POU2AF1: variants seen among roughly 807,000 people sequenced by gnomAD.
POU2AF1 encodes POU domain class 2-associating factor 1.
In POU2AF1, 12 loss-of-function variants were observed where a neutral mutation model predicts 26.3. The observed-to-expected ratio is 0.46, with a 90% CI of 0.29 to 0.74. POU2AF1 has a LOEUF of 0.74. Among genes scored for constraint, POU2AF1 ranks in the 30% least tolerant of loss-of-function variants. The probability of loss-of-function intolerance (pLI) is 0.09; values close to 1 mark genes in which losing one functional copy is unlikely to be tolerated. For missense variants in POU2AF1, 297 were observed against 334.5 expected, an observed-to-expected ratio of 0.89 and a Z score of 0.87; for synonymous variants, 175 against 148.0, an observed-to-expected ratio of 1.18 and a Z score of -1.32.
chr11:111,355,745 T>C (rs1860832133), intron 4 of POU2AF1, among the ~76,000 whole-genome samples: 1 of 152,142 alleles, frequency 6.6e-6, no homozygotes, highest in African/African-American at 2.4e-5. Context: ...TTGCACAGAA[T>C]GATAGAGCTG....
In POU2AF1 at chr11:111,363,657, C is replaced by A. The variant is rs980981064; in HGVS notation, c.17-4739G>T. ...ATATTTTTAACTTTTTAAATAATTTCTTAAAATCATAATAAAAAATCCAAA... is the reference window on the plus strand; with the variant it reads ...ATATTTTTAACTTTTTAAATAATTTATTAAAATCATAATAAAAAATCCAAA... On this transcript the variant is annotated intron_variant, in intron 1 of 4. Coordinates refer to ENST00000393067, the MANE Select transcript of POU2AF1 (RefSeq NM_006235.3). 1.6e-4 allele frequency among the ~76,000 whole-genome samples: 25 copies of A among 152,226 alleles called. No individual in the cohort carries two copies. The Middle Eastern group carries it at 0.014, about 83-fold the overall frequency.
At chr11:111,361,401 CACTT>C (rs1429819486) in intron 1 of POU2AF1, among the ~76,000 whole-genome samples, 5 of 152,206 alleles carry the variant, frequency 3.3e-5, no homozygotes, top group African/African-American at 1.2e-4. Context: ...TCTGGGCTGT[CACTT>C]ACTGGTGGAA....
intron 1 of POU2AF1, among the ~76,000 whole-genome samples, chr11:111,361,665 C>T (rs937170611): frequency 2.0e-5 from 3 of 152,188 alleles, no homozygotes; most frequent in African/African-American, 7.2e-5. Context: ...CTGAGGCTAA[C>T]TTATGGTAAC....
intron 1 of POU2AF1, among the ~76,000 whole-genome samples, chr11:111,376,817 C>A (rs950671495): frequency 6.6e-6 from 1 of 152,154 alleles, no homozygotes; most frequent in African/African-American, 2.4e-5. Context: ...GATTTTCCCA[C>A]ACGGTTTAGT....
Position 111,358,804 on chromosome 11 carries a change from G to A in POU2AF1, c.131C>T (p.Ala44Val). The change falls in exon 2 of 5, where the codon GCA becomes GTA. Residue 44 changes from alanine (A) to valine (V), a missense_variant. Ala to Val is a moderately conservative substitution (Grantham distance 64, BLOSUM62 0). Coordinates refer to ENST00000393067, the MANE Select transcript of POU2AF1 (RefSeq NM_006235.3). Reference sequence around the variant, plus strand: ...AACTCTCACCGCCGTAGGTGCAGGTGCTGCCCCACTGCTGGCGTGGCCTCG... The same window carrying A: ...AACTCTCACCGCCGTAGGTGCAGGTACTGCCCCACTGCTGGCGTGGCCTCG... ...RKRGHASSGA[A>V]PAPTAVVLPH... 1 of 1,600,420 alleles carries A rather than the reference G, an allele frequency of 6.2e-7. No individual in the cohort carries two copies. Among genetic ancestry groups the A allele is most frequent in the Non-Finnish European group, 8.5e-7 (1 of 1,176,762 alleles).
chr11:111,356,219 T>C (rs1042415107), intron 4 of POU2AF1, among the ~76,000 whole-genome samples: 1 of 152,228 alleles, frequency 6.6e-6, no homozygotes, highest in Non-Finnish European at 1.5e-5. Context: ...GTGGGAGCCG[T>C]GAGTCCTCCA....
intron 4 of POU2AF1, 57 bp from the exon 5 acceptor site, chr11:111,354,632 A>T: frequency 2.1e-6 from 3 of 1,415,238 alleles, no homozygotes; most frequent in Non-Finnish European, 2.8e-6. Context: ...CCATCCACCC[A>T]TCCTTGCCCT....
intron 1 of POU2AF1, among the ~76,000 whole-genome samples, chr11:111,364,637 G>A (rs892663328): frequency 6.6e-6 from 1 of 152,226 alleles, no homozygotes; most frequent in Admixed American, 6.5e-5. Flanking sequence ...TTGTCCTCTT[G>A]TGACGTCCCA....
chr11:111,367,432 C>A (rs955192563), intron 1 of POU2AF1, among the ~76,000 whole-genome samples: 1 of 152,164 alleles, frequency 6.6e-6, no homozygotes, highest in East Asian at 1.9e-4. Context: ...CCGCTCCCTT[C>A]CTTTACCGAG....
At chr11:111,356,413 G>T (rs1215971835) in intron 4 of POU2AF1, among the ~76,000 whole-genome samples, 1 of 152,218 alleles carries the variant, frequency 6.6e-6, no homozygotes, top group East Asian at 1.9e-4. Flanking sequence ...AGGGGCAGGT[G>T]CATCAGGATG....
rs1483356971 is a variant in POU2AF1 at position 111,357,598 on chromosome 11, T to C, written c.303A>G (p.Pro101=). Residue 101 remains proline, a synonymous_variant, in exon 4 of 5, where the codon CCA becomes CCG. Coordinates refer to ENST00000393067, the MANE Select transcript of POU2AF1 (RefSeq NM_006235.3). ...GCACATACTCGGTGTAAGGTGTCCATGGGGCCAGGGGCTGCAGGGTGGCCG... is the reference window on the plus strand; with the variant it reads ...GCACATACTCGGTGTAAGGTGTCCACGGGGCCAGGGGCTGCAGGGTGGCCG... ...PTPATLQPLA[P]WTPYTEYVPH... is the part of the protein sequence containing the mutation. 6.2e-7 allele frequency: 1 copy of C among 1,613,854 alleles called. No individual in the cohort carries two copies. The highest frequency in any genetic ancestry group is 1.7e-5 in the Admixed American group (1 of 59,982).
chr11:111,372,047 C>CAGAGAGAGAG (rs1421166360), intron 1 of POU2AF1, among the ~76,000 whole-genome samples: 1 of 122,510 alleles, frequency 8.2e-6, no homozygotes, highest in Non-Finnish European at 1.8e-5. Flanking sequence ...CACACACACA[C>CAGAGAGAGAG]ACACACACAC....
At chr11:111,360,885 A>G (rs1243114618) in intron 1 of POU2AF1, among the ~76,000 whole-genome samples, 1 of 151,320 alleles carries the variant, frequency 6.6e-6, no homozygotes, top group Non-Finnish European at 1.5e-5. Context: ...TGGAGGTTGC[A>G]GTGAGCTGAG....
At chr11:111,368,311 G>T (rs975338837) in intron 1 of POU2AF1, among the ~76,000 whole-genome samples, 1 of 152,116 alleles carries the variant, frequency 6.6e-6, no homozygotes, top group Non-Finnish European at 1.5e-5. Flanking sequence ...CAGAGGGGCT[G>T]GTCTGGGGCC....
chr11:111,358,454 ACT>A (rs1278028825), intron 2 of POU2AF1, among the ~76,000 whole-genome samples: 21 of 145,996 alleles, frequency 1.4e-4, no homozygotes, highest in South Asian at 2.2e-4. Context: ...ACACACACAC[ACT>A]CTCTCACACA....
Position 111,354,445 on chromosome 11 carries a change from G to A in POU2AF1, c.587C>T (p.Pro196Leu), listed in dbSNP as rs761279575. The change falls in exon 5 of 5, where the codon CCG (proline) becomes CTG (leucine). Residue 196 changes from proline (P) to leucine (L), a missense_variant. Pro to Leu is a moderately conservative substitution (Grantham distance 98, BLOSUM62 -3). Transcript: ENST00000393067. Reference sequence around the variant, plus strand: ...CTGGGGCCCAGGTAGGGCTGGGGCCGGAGGCTGGTACTGCAGGGTGGAGGT... The same window carrying A: ...CTGGGGCCCAGGTAGGGCTGGGGCCAGAGGCTGGTACTGCAGGGTGGAGGT... ...LPTSTLQYQP[P>L]APALPGPQFV... 14 of 1,613,920 alleles carry A rather than the reference G, an allele frequency of 8.7e-6. No homozygotes were observed. Among genetic ancestry groups the A allele is most frequent in the Non-Finnish European group, 1.0e-5 (12 of 1,179,898 alleles).
intron 1 of POU2AF1, among the ~76,000 whole-genome samples, chr11:111,361,733 A>G (rs902815075): frequency 6.6e-6 from 1 of 152,162 alleles, no homozygotes; most frequent in Non-Finnish European, 1.5e-5. Flanking sequence ...TAGTCCATTT[A>G]CAGCTGTCTC....
chr11:111,372,069 C>CAGAG (rs150182572), intron 1 of POU2AF1, among the ~76,000 whole-genome samples: 33 of 144,344 alleles, frequency 2.3e-4, no homozygotes, highest in African/African-American at 8.3e-4. Context: ...CACACACACA[C>CAGAG]AGAGAGAGAG....
intron 1 of POU2AF1, chr11:111,363,491 T>C (rs1861049641): frequency 9.9e-7 from 1 of 1,007,964 alleles, no homozygotes; most frequent in East Asian, 7.1e-5. Flanking sequence ...AGCTCCCTAC[T>C]GCCACCAGCA....
Sources: gnomAD v4.1 joint callset for allele counts (sites outside exome capture counted in the v4.1 genomes callset) on GRCh38, gnomAD v4.1.1 for gene constraint, MANE v1.5 for transcripts, NCBI Gene and HGNC (gene_info 2026-07-23, HGNC 2026-07-21) for gene names.